MEIS3: variants seen among roughly 807,000 people sequenced by gnomAD.
The protein encoded by MEIS3 is Meis homeobox 3, also known as homeobox protein Meis3.
MEIS3 carries 38 observed loss-of-function variants against 51.4 expected under a neutral mutation model. That is an observed-to-expected ratio of 0.74 (90% confidence interval 0.57 to 0.97). MEIS3 has a LOEUF of 0.97. MEIS3 is among the 50% of genes least tolerant of loss of function. MEIS3 has a pLI of 0.00. For missense variants in MEIS3, 456 were observed against 502.6 expected (o/e 0.91, Z 0.89); for synonymous variants, 198 against 201.8 (o/e 0.98, Z 0.16).
At chr19:47,413,497 G>A (rs984411302) in intron 6 of MEIS3, among the ~76,000 whole-genome samples, 11 of 152,050 alleles carry the variant, frequency 7.2e-5, no homozygotes, top group South Asian at 2.1e-4. Context: ...GTGGGTGTGC[G>A]TGTGCTGTGA....
chr19:47,417,722 C>T (rs573300191), intron 1 of MEIS3: 11 of 697,194 alleles, frequency 1.6e-5, no homozygotes, highest in South Asian at 1.3e-4. Context: ...GTAGGAACCG[C>T]GCATTGTTGT....
Position 47,406,159 on chromosome 19 carries a change from G to A in MEIS3, c.*17+301C>T, listed in dbSNP as rs557461385. 161 of 290,444 alleles carry A rather than the reference G, an allele frequency of 5.5e-4. 1 individual carries two copies. In the South Asian group the frequency reaches 0.01, roughly 18 times the overall value. The allele number at this position is 290,444 out of a possible 1,614,324, so 18.0% of individuals were successfully genotyped here. A position where few individuals can be genotyped will look rare whatever the true frequency, so the allele number is the denominator to read the frequency against. ...TCAGATGGGTAATGAGTGGGTAGGT[G>A]GGTGGACTAGGTTTGGATGGATGGA... On this transcript the variant is annotated intron_variant, in intron 12 of 12. Coordinates refer to ENST00000558555, the MANE Select transcript of MEIS3 (RefSeq NM_001301059.2).
At chr19:47,412,767 A>G (rs1002792321) in intron 6 of MEIS3, among the ~76,000 whole-genome samples, 4 of 151,696 alleles carry the variant, frequency 2.6e-5, no homozygotes, top group African/African-American at 7.3e-5. Flanking sequence ...ACGGGGTTTC[A>G]CCATGTTGGC....
chr19:47,407,509 G>A (rs1244570250), intron 8 of MEIS3, 81 bp from the exon 9 acceptor site: 1 of 1,609,528 alleles, frequency 6.2e-7, no homozygotes, highest in East Asian at 2.2e-5. Flanking sequence ...CGGGGTCCGG[G>A]GGATGGGGAG....
At position 47,416,797 on chromosome 19, in the gene MEIS3, T is replaced by G. The variant is rs1599825715; in HGVS notation, c.345+7A>C. On this transcript the variant is annotated splice_region_variant and intron_variant, in intron 3 of 12. Coordinates refer to ENST00000558555, the MANE Select transcript of MEIS3 (RefSeq NM_001301059.2). ...GACTCGGTGTGTGGTGGGTGGGAGGTGCCCACCTGCTTGGCAAAGGCAGCG... is the reference window on the plus strand; with the variant it reads ...GACTCGGTGTGTGGTGGGTGGGAGGGGCCCACCTGCTTGGCAAAGGCAGCG... 6.2e-7 allele frequency: 1 copy of G among 1,612,820 alleles called. No individual in the cohort carries two copies. Among genetic ancestry groups the G allele is most frequent in the Non-Finnish European group, 8.5e-7 (1 of 1,179,608 alleles).
Position 47,414,884 on chromosome 19 carries a change from T to A in MEIS3, c.448-18A>T. ...TCGTGGACCTGGGGGGGCACCGGGG[T>A]ACTGGGGGGGGCCACCCACGGGGGC... On this transcript the variant is annotated intron_variant, in intron 5 of 12. Transcript: ENST00000558555. The A allele has an allele frequency of 7.2e-7, 1 of 1,385,280 alleles. No individual in the cohort carries two copies. The highest frequency in any genetic ancestry group is 9.7e-7 in the Non-Finnish European group (1 of 1,032,824). The allele number at this position is 1,385,280 out of a possible 1,614,324, so 85.8% of individuals were successfully genotyped here. A position where few individuals can be genotyped will look rare whatever the true frequency, so the allele number is the denominator to read the frequency against.
upstream of MEIS3, among the ~76,000 whole-genome samples, chr19:47,420,921 C>CAT (rs1568434204): frequency 9.2e-6 from 1 of 108,768 alleles, no homozygotes. Context: ...CACACACACA[C>CAT]ACACACACAC....
At chr19:47,420,901 C>CTCTG (rs1764537085), upstream of MEIS3, among the ~76,000 whole-genome samples, 1 of 89,068 alleles carries the variant, frequency 1.1e-5, no homozygotes, top group Non-Finnish European at 2.5e-5. Context: ...CGCTCTCTCT[C>CTCTG]TCTCTCTCTC....
Position 47,419,055 on chromosome 19 carries a change from C to G in MEIS3, c.12+15G>C. The G allele has an allele frequency of 8.0e-7, 1 of 1,244,084 alleles. No homozygotes were observed. The highest frequency in any genetic ancestry group is 3.6e-5 in the South Asian group (1 of 27,962). 77.1% of individuals were successfully genotyped at this position (1,244,084 alleles called of 1,614,324 possible). A position where few individuals can be genotyped will look rare whatever the true frequency, so the allele number is the denominator to read the frequency against. On this transcript the variant is annotated intron_variant, in intron 1 of 12. Coordinates refer to ENST00000558555, the MANE Select transcript of MEIS3 (RefSeq NM_001301059.2). ...GGAAGCGGCCGGGACGCGGGGTCCC[C>G]GCCCCGAGACCTACCCTCCGGGCCA...
In MEIS3 at chr19:47,416,987, G is replaced by T. The variant is rs1379584828; in HGVS notation, c.186-24C>A. The stretch of plus-strand genomic sequence containing the variant: ...GTCTGGGGAGGCAGGAAAGGAGAGA[G>T]GTTGAGGGAGAGGCTGGGAGGTGGA... On this transcript the variant is annotated intron_variant, in intron 2 of 12. Transcript: ENST00000558555. 11 of 1,560,490 alleles carry T rather than the reference G, an allele frequency of 7.0e-6. No homozygotes were observed. In the South Asian group the frequency reaches 1.3e-4, roughly 18 times the overall value.
At chr19:47,420,716 G>C (rs1971676057), upstream of MEIS3, among the ~76,000 whole-genome samples, 1 of 151,642 alleles carries the variant, frequency 6.6e-6, no homozygotes, top group Non-Finnish European at 1.5e-5. Context: ...ATTAAAGAAA[G>C]AGACGAGCTG....
intron 6 of MEIS3, among the ~76,000 whole-genome samples, chr19:47,414,142 G>A (rs1599818456): frequency 1.3e-5 from 2 of 151,984 alleles, no homozygotes; most frequent in African/African-American, 4.8e-5. Flanking sequence ...TGTGATCTCG[G>A]CTGCAGCCCG....
chr19:47,421,439 G>T (rs1469450082), upstream of MEIS3, among the ~76,000 whole-genome samples: 5 of 152,168 alleles, frequency 3.3e-5, no homozygotes, highest in East Asian at 3.9e-4. Context: ...CCCTCTGAAA[G>T]CCTACAGGAG....
chr19:47,417,321 G>A lies in MEIS3; in HGVS notation c.42C>T (p.Ile14=), dbSNP rs762622820. 7 of 1,613,618 alleles carry A rather than the reference G, an allele frequency of 4.3e-6. No individual in the cohort carries two copies. Among genetic ancestry groups the A allele is most frequent in the Non-Finnish European group, 8.5e-7 (1 of 1,179,892 alleles). ...TAGCCAGGGCTGCGGGGCCATCCAC[G>A]ATGCCTGGGTAGTGCGGCAGCTCAT... ...RYDELPHYPG[I]VDGPAALASF... is the part of the protein sequence containing the mutation. Residue 14 remains isoleucine, a synonymous_variant, in exon 2 of 13, where the codon ATC becomes ATT. Coordinates refer to ENST00000558555, the MANE Select transcript of MEIS3 (RefSeq NM_001301059.2).
intron 8 of MEIS3, among the ~76,000 whole-genome samples, chr19:47,408,645 G>A (rs1970965663): frequency 6.6e-6 from 1 of 151,968 alleles, no homozygotes; most frequent in African/African-American, 2.4e-5. Flanking sequence ...GCCTCTTCCT[G>A]GCTCTATTTT....
At chr19:47,406,573 CCCCA>C in intron 11 of MEIS3, 47 bp from the exon 12 acceptor site, 1 of 1,572,130 alleles carries the variant, frequency 6.4e-7, no homozygotes, top group Non-Finnish European at 8.8e-7. Flanking sequence ...TCAGAGACAC[CCCCA>C]GATGCCTCTA....
At chr19:47,414,896 C>T in intron 5 of MEIS3, 30 bp from the exon 6 acceptor site, 1 of 1,492,744 alleles carries the variant, frequency 6.7e-7, no homozygotes, top group Non-Finnish European at 9.3e-7. Context: ...CTGGGGGGGG[C>T]CACCCACGGG....
At chr19:47,407,654 G>A (rs1218590935) in intron 8 of MEIS3, 4 of 1,165,560 alleles carry the variant, frequency 3.4e-6, no homozygotes, top group Non-Finnish European at 4.6e-6. Context: ...GCAATTAGAG[G>A]TTAACTGGCC....
chr19:47,416,535 T>G, intron 4 of MEIS3, 117 bp downstream of exon 4: 2 of 811,122 alleles, frequency 2.5e-6, no homozygotes, highest in South Asian at 1.9e-5. Flanking sequence ...TCATGACGGT[T>G]TGGGGACATG....
Sources: gnomAD v4.1 joint callset for allele counts (sites outside exome capture counted in the v4.1 genomes callset) on GRCh38, gnomAD v4.1.1 for gene constraint, MANE v1.5 for transcripts, NCBI Gene and HGNC (gene_info 2026-07-23, HGNC 2026-07-21) for gene names.